The following DLG2 variants were observed in gnomAD, a reference collection of about 807,000 sequenced individuals.
The protein encoded by DLG2 is disks large homolog 2.
DLG2 carries 45 observed loss-of-function variants against 132.5 expected under a neutral mutation model. The observed-to-expected ratio is 0.34, with a 90% CI of 0.27 to 0.44. The LOEUF is 0.44. Among genes scored for constraint, DLG2 ranks in the 20% least tolerant of loss-of-function variants. The probability of loss-of-function intolerance (pLI) is 1.00; values close to 1 mark genes in which losing one functional copy is unlikely to be tolerated. For missense variants in DLG2, 1,045 were observed against 1,196.9 expected, an observed-to-expected ratio of 0.87 and a Z score of 1.87; for synonymous variants, 424 against 419.6, an observed-to-expected ratio of 1.01 and a Z score of -0.13.
chr11:84,802,745 G>C (rs1019752896), intron 6 of DLG2, among the ~76,000 whole-genome samples: 1 of 151,970 alleles, frequency 6.6e-6, no homozygotes, highest in Non-Finnish European at 1.5e-5. Flanking sequence ...TGTTAGGGGG[G>C]ATGAAAGTAG....
At chr11:85,129,447 T>G (rs1403034023) in intron 5 of DLG2, among the ~76,000 whole-genome samples, 1 of 152,206 alleles carries the variant, frequency 6.6e-6, no homozygotes, top group African/African-American at 2.4e-5. Context: ...TCCTTCCCTT[T>G]ATATGTAGAA....
At chr11:85,148,264 T>C (rs541101585) in intron 5 of DLG2, among the ~76,000 whole-genome samples, 1 of 152,334 alleles carries the variant, frequency 6.6e-6, no homozygotes, top group South Asian at 2.1e-4. Context: ...TTTGGGTATA[T>C]ACCTAGTAAT....
At chr11:84,000,304 T>C (rs796943672) in intron 11 of DLG2, among the ~76,000 whole-genome samples, 7 of 151,894 alleles carry the variant, frequency 4.6e-5, no homozygotes, top group African/African-American at 1.7e-4. Flanking sequence ...TCTTTTGAAA[T>C]AAACCAGTCA....
At chr11:84,376,686 T>C (rs1465498771) in intron 7 of DLG2, among the ~76,000 whole-genome samples, 2 of 151,278 alleles carry the variant, frequency 1.3e-5, no homozygotes, top group Non-Finnish European at 1.5e-5. Context: ...CTTCACATTA[T>C]AAAAGCCAAA....
intron 6 of DLG2, among the ~76,000 whole-genome samples, chr11:84,885,056 C>A (rs927034671): frequency 3.9e-5 from 6 of 152,060 alleles, no homozygotes; most frequent in African/African-American, 1.4e-4. Flanking sequence ...GCAATGCCTG[C>A]ATCACTCACC....
rs139209698 is a variant in DLG2 at position 83,491,356 on chromosome 11, C to A, written c.2194-7128G>T. Among the ~76,000 whole-genome samples, 1,286 of 151,980 alleles carry A rather than the reference C, an allele frequency of 8.5e-3. 6 individuals carry two copies. The highest frequency in any genetic ancestry group is 0.014 in the Non-Finnish European group (984 of 67,930). ...TATTTATGAAACTGTGGGAGCTAAT[C>A]CTCTTTTGATCTCAAAAAATGAAAT... On this transcript the variant is annotated intron_variant, in intron 21 of 27. Transcript: ENST00000376104.
chr11:84,660,364 A>T (rs2099693221), intron 6 of DLG2, among the ~76,000 whole-genome samples: 1 of 152,118 alleles, frequency 6.6e-6, no homozygotes, highest in Admixed American at 6.6e-5. Context: ...GACAATTCCG[A>T]TATTTCACTG....
chr11:84,760,950 C>T (rs568167448), intron 6 of DLG2, among the ~76,000 whole-genome samples: 118 of 152,266 alleles, frequency 7.7e-4, no homozygotes, highest in African/African-American at 2.8e-3. Flanking sequence ...CCCACCTCCA[C>T]CACTCAATAA....
At chr11:84,589,390 C>A (rs1312805062) in intron 6 of DLG2, among the ~76,000 whole-genome samples, 1 of 152,112 alleles carries the variant, frequency 6.6e-6, no homozygotes, top group Non-Finnish European at 1.5e-5. Flanking sequence ...GCACTTCTGT[C>A]TCCATGAAAA....
chr11:85,233,696 AT>A (rs547235876), intron 4 of DLG2, among the ~76,000 whole-genome samples: 2,724 of 131,338 alleles, frequency 0.021, 62 homozygotes, highest in African/African-American at 0.061. Flanking sequence ...TGGATCCTTA[AT>A]TTTTTTTTTT....
chr11:84,454,625 G>C (rs2099060550), intron 7 of DLG2, among the ~76,000 whole-genome samples: 1 of 151,394 alleles, frequency 6.6e-6, no homozygotes, highest in African/African-American at 2.4e-5. Context: ...ATATTGTATT[G>C]TATTTATAAA....
At chr11:85,144,711 A>G (rs1195818591) in intron 5 of DLG2, among the ~76,000 whole-genome samples, 6 of 152,076 alleles carry the variant, frequency 3.9e-5, no homozygotes, top group Non-Finnish European at 8.8e-5. Context: ...AACTTAAAAA[A>G]AAACTCTACA....
At chr11:84,277,918 ATATT>A (rs1388585393) in intron 7 of DLG2, among the ~76,000 whole-genome samples, 1 of 152,046 alleles carries the variant, frequency 6.6e-6, no homozygotes, top group Non-Finnish European at 1.5e-5. Flanking sequence ...ATGTAGGTAT[ATATT>A]TATTTATTTA....
Position 84,252,204 on chromosome 11 carries a change from T to G in DLG2, c.520-913A>C, listed in dbSNP as rs1277287530. On this transcript the variant is annotated intron_variant, in intron 7 of 27. Transcript: ENST00000376104. ...TTCCTCTGTCGCCCATGCTGGAGTG[T>G]GCAGTGGTGCAAACTCGGGTCACTG... 8.6e-5 allele frequency among the ~76,000 whole-genome samples: 12 copies of G among 140,108 alleles called. No homozygotes were observed. In the Admixed American group the frequency reaches 9.3e-4, roughly 11 times the overall value. The allele number at this position is 140,108 out of a possible 152,430, so 91.9% of individuals were successfully genotyped here.
At chr11:85,171,301 C>T (rs745642909) in intron 4 of DLG2, among the ~76,000 whole-genome samples, 14 of 152,128 alleles carry the variant, frequency 9.2e-5, no homozygotes, top group Non-Finnish European at 1.8e-4. Context: ...CACGGAGCAG[C>T]ACAGAGCCAG....
chr11:84,418,088 C>G (rs182247920), intron 7 of DLG2, among the ~76,000 whole-genome samples: 1 of 152,236 alleles, frequency 6.6e-6, no homozygotes, highest in East Asian at 1.9e-4. Flanking sequence ...TTGACCATAA[C>G]CATTTAGAGC....
intron 18 of DLG2, among the ~76,000 whole-genome samples, chr11:83,748,537 C>G (rs975070843): frequency 1.3e-5 from 2 of 152,180 alleles, no homozygotes; most frequent in Admixed American, 6.5e-5. Flanking sequence ...GAGAGATAAA[C>G]AGTCATTACA....
chr11:84,115,517 AC>A (rs2093592027), intron 9 of DLG2, among the ~76,000 whole-genome samples: 1 of 152,182 alleles, frequency 6.6e-6, no homozygotes, highest in African/African-American at 2.4e-5. Context: ...AGTCACGGAC[AC>A]CTGTCTCCTC....
At chr11:83,863,053 A>AATCAAGAAG (rs2061704836) in intron 16 of DLG2, among the ~76,000 whole-genome samples, 1 of 152,202 alleles carries the variant, frequency 6.6e-6, no homozygotes, top group Non-Finnish European at 1.5e-5. Context: ...TTATATAGGC[A>AATCAAGAAG]ATCAAGAAGA....
Sources: allele counts gnomAD v4.1 joint callset (sites outside exome capture counted in the v4.1 genomes callset), GRCh38; gene constraint gnomAD v4.1.1; transcripts MANE v1.5; gene names NCBI Gene and HGNC (gene_info 2026-07-23, HGNC 2026-07-21).